Variants in SAMD15 observed in about 807,000 individuals in gnomAD.
SAMD15 encodes sterile alpha motif domain containing 15, also known as sterile alpha motif domain-containing protein 15.
SAMD15 carries 37 observed loss-of-function variants against 50.5 expected under a neutral mutation model. The observed-to-expected ratio is 0.73, with a 90% CI of 0.56 to 0.96. The LOEUF (loss-of-function observed/expected upper bound fraction) is 0.96, where lower values mean the gene tolerates loss of function less well. SAMD15 is among the 40% of genes least tolerant of loss of function. The pLI is 0.00. For missense variants in SAMD15, 789 were observed against 783.8 expected, an observed-to-expected ratio of 1.01 and a Z score of -0.08; for synonymous variants, 255 against 282.8, an observed-to-expected ratio of 0.90 and a Z score of 0.99.
Position 77,378,364 on chromosome 14 carries a change from A to G in SAMD15, c.946A>G (p.Lys316Glu). 1 of 1,613,306 alleles carries G rather than the reference A, an allele frequency of 6.2e-7. No individual in the cohort carries two copies. Among genetic ancestry groups the G allele is most frequent in the Non-Finnish European group, 8.5e-7 (1 of 1,179,850 alleles). ...GACTAAACCAGACTTTCCAGACCAC[A>G]AGCCAAGAAAGTCTACTGATGAGAA... ...ERTKPDFPDH[K>E]PRKSTDENVP... Residue 316 changes from lysine to glutamate, a missense_variant, in exon 1 of 3, where the codon AAG becomes GAG. Around this residue, in one of 2 missense-constraint regions of SAMD15, gnomAD observed 770 missense variants for 745.4 expected, o/e 1.03. Transcript: ENST00000216471.
rs1893880952 is a variant in SAMD15, at chr14:77,378,259, C to A, written c.841C>A (p.Pro281Thr). The change falls in exon 1 of 3, where the codon CCA becomes ACA. Residue 281 changes from proline (P) to threonine (T), a missense_variant. Physicochemically the swap from Pro to Thr is conservative, Grantham distance 38. This residue lies in a region of SAMD15 where 770 missense variants were observed against 745.4 expected (regional missense o/e 1.03). Coordinates refer to ENST00000216471, the MANE Select transcript of SAMD15 (RefSeq NM_001010860.4). ...TAGTGAGGAGGCAGGTCTAGAGCCTCCAGAAGAGACTCAACCAGAGGTTCC... is the reference window on the plus strand; with the variant it reads ...TAGTGAGGAGGCAGGTCTAGAGCCTACAGAAGAGACTCAACCAGAGGTTCC... Reference protein sequence around the residue: ...KSSEEAGLEPPEETQPEVPEE... With the variant: ...KSSEEAGLEPTEETQPEVPEE... 1 of 1,613,770 alleles carries A rather than the reference C, an allele frequency of 6.2e-7. No homozygotes were observed. Among genetic ancestry groups the A allele is most frequent in the Non-Finnish European group, 8.5e-7 (1 of 1,179,946 alleles).
intron 2 of SAMD15, among the ~76,000 whole-genome samples, chr14:77,382,290 A>G (rs1201396782): frequency 6.6e-6 from 1 of 151,496 alleles, no homozygotes; most frequent in African/African-American, 2.4e-5. Flanking sequence ...ACGCCCAGCT[A>G]ATTTTTGTAT....
rs755657029 is a variant in SAMD15 at position 77,377,523 on chromosome 14, C to G, written c.105C>G (p.Ala35=). Residue 35 remains alanine, a synonymous_variant, in exon 1 of 3, where the codon GCC becomes GCG. Coordinates refer to ENST00000216471, the MANE Select transcript of SAMD15 (RefSeq NM_001010860.4). ...LPGLHKLYEN[A]EPDTMAKADS... is the part of the protein sequence containing the mutation. ...GACTTCATAAATTGTATGAAAATGC[C>G]GAACCAGACACCATGGCAAAGGCAG... 42 of 1,613,992 alleles carry G rather than the reference C, an allele frequency of 2.6e-5. No individual in the cohort carries two copies. The highest frequency in any genetic ancestry group is 2.5e-4 in the African/African-American group (19 of 74,890).
At position 77,378,384 on chromosome 14, in the gene SAMD15, T is replaced by C. The variant is rs769434063; in HGVS notation, c.966T>C (p.Asp322=). ...ACCACAAGCCAAGAAAGTCTACTGA[T>C]GAGAACGTTCCTGAGCCACTAGAAG... ...FPDHKPRKST[D]ENVPEPLEEI... The change falls in exon 1 of 3, where the codon GAT becomes GAC. Residue 322 remains aspartate, a synonymous_variant. Transcript: ENST00000216471. The C allele has an allele frequency of 1.9e-6, 3 of 1,613,878 alleles. No homozygotes were observed. In the South Asian group the frequency reaches 3.3e-5, roughly 18 times the overall value.
chr14:77,386,071 G>A (rs1894002670), intron 2 of SAMD15, among the ~76,000 whole-genome samples: 1 of 151,942 alleles, frequency 6.6e-6, no homozygotes, highest in Admixed American at 6.6e-5. Context: ...GCCCAGGCTG[G>A]TCTTAAACTC....
Position 77,391,339 on chromosome 14 carries a change from T to TTA in SAMD15, c.*96_*97insAT. On this transcript the variant is annotated 3_prime_UTR_variant, in exon 3 of 3. Coordinates refer to ENST00000216471, the MANE Select transcript of SAMD15 (RefSeq NM_001010860.4). ...GGTTTTCTTTTTCTCCTTTTTTTTTTTTTTATTTTTTTGAGACAGAGTCTT... is the reference window on the plus strand; with the variant it reads ...GGTTTTCTTTTTCTCCTTTTTTTTTTTATTTTATTTTTTTGAGACAGAGTCTT... 1.2e-6 allele frequency: 1 copy of TTA among 819,416 alleles called. No homozygotes were observed. Among genetic ancestry groups the TTA allele is most frequent in the South Asian group, 1.8e-5 (1 of 55,944 alleles). The allele number at this position is 819,416 out of a possible 1,614,324, so 50.8% of individuals were successfully genotyped here. A position where few individuals can be genotyped will look rare whatever the true frequency, so the allele number is the denominator to read the frequency against.
At position 77,380,413 on chromosome 14, in the gene SAMD15, C is replaced by T. The variant is rs750702426; in HGVS notation, c.1720C>T (p.Arg574Ter). The T allele has an allele frequency of 5.6e-6, 9 of 1,613,496 alleles. No homozygotes were observed. Among genetic ancestry groups the T allele is most frequent in the South Asian group, 4.4e-5 (4 of 91,064 alleles). The change falls in exon 2 of 3, where the codon CGA (arginine) becomes TGA (stop). Residue 574 changes from arginine (R) to a stop codon, truncating the protein, a stop_gained. Coordinates refer to ENST00000216471, the MANE Select transcript of SAMD15 (RefSeq NM_001010860.4). LOFTEE classifies it high-confidence loss of function. ...ECFITNFISGRKLIHVNCSNL... is the reference protein window; with the variant it reads ...ECFITNFISG ...TTTTATCACAAACTTCATCAGTGGCCGAAAACTCATTCACGTCAACTGCTC... is the reference window on the plus strand; with the variant it reads ...TTTTATCACAAACTTCATCAGTGGCTGAAAACTCATTCACGTCAACTGCTC...
chr14:77,385,380 G>C lies in SAMD15; in HGVS notation c.1788+4899G>C, dbSNP rs138646024. 8.8e-3 allele frequency among the ~76,000 whole-genome samples: 1,329 copies of C among 151,780 alleles called. 18 individuals carry two copies. Among genetic ancestry groups the C allele is most frequent in the South Asian group, 0.037 (178 of 4,800 alleles). On this transcript the variant is annotated intron_variant, in intron 2 of 2. Transcript: ENST00000216471. ...GGCTCACTGCAACCTCTGCCTCCCA[G>C]GTTCAAGCAATTCTTCCGCCTCAGC...
At position 77,391,016 on chromosome 14, in the gene SAMD15, T is replaced by C; in HGVS notation, c.1797T>C (p.Ser599=). 1 of 1,603,146 alleles carries C rather than the reference T, an allele frequency of 6.2e-7. No individual in the cohort carries two copies. Among genetic ancestry groups the C allele is most frequent in the Non-Finnish European group, 8.5e-7 (1 of 1,174,676 alleles). The change falls in exon 3 of 3, where the codon TCT becomes TCC. Residue 599 remains serine (S), a synonymous_variant. Transcript: ENST00000216471. ...TTATCCTTGCGTTTCAGGCAATTTC[T>C]CGGCATACGCAGGAGCTCCTGGAAA... The part of the protein sequence containing the change: ...ITNFEDMKAI[S]RHTQELLEIE...
rs756508210 is a variant in SAMD15, at chr14:77,378,439, T to C, written c.1021T>C (p.Ser341Pro). The C allele has an allele frequency of 1.2e-6, 2 of 1,613,488 alleles. No homozygotes were observed. Among genetic ancestry groups the C allele is most frequent in the East Asian group, 4.5e-5 (2 of 44,862 alleles). The change falls in exon 1 of 3, where the codon TCA becomes CCA. Residue 341 changes from serine (S) to proline (P), a missense_variant. By Grantham distance (74) the Ser-to-Pro change is moderately conservative (BLOSUM62 -1). This residue lies in a region of SAMD15 where 770 missense variants were observed against 745.4 expected (regional missense o/e 1.03). Coordinates refer to ENST00000216471, the MANE Select transcript of SAMD15 (RefSeq NM_001010860.4). ...CAAATTAGAGTTTCCTGAGGAAGAA[T>C]CAAGAAAAACAAATGAGGAAACAAT... ...EIKLEFPEEE[S>P]RKTNEETILE...
chr14:77,387,360 C>T (rs1894016464), intron 2 of SAMD15, among the ~76,000 whole-genome samples: 1 of 152,078 alleles, frequency 6.6e-6, no homozygotes, highest in Non-Finnish European at 1.5e-5. Flanking sequence ...CACTTGAACC[C>T]AGGAGGTCAA....
chr14:77,391,589 A>G lies in SAMD15; in HGVS notation c.*345A>G. 4 of 184,454 alleles carry G rather than the reference A, an allele frequency of 2.2e-5. No homozygotes were observed. Among genetic ancestry groups the G allele is most frequent in the Non-Finnish European group, 4.5e-5 (4 of 89,750 alleles). The allele number at this position is 184,454 out of a possible 1,614,324, so 11.4% of individuals were successfully genotyped here. A position where few individuals can be genotyped will look rare whatever the true frequency, so the allele number is the denominator to read the frequency against. On this transcript the variant is annotated 3_prime_UTR_variant, in exon 3 of 3. Transcript: ENST00000216471. ...CGTGGCGTCCCAAAGTGCTGGGATT[A>G]CAAGCGTGACCTACCGCACCTGGCC...
In SAMD15 at chr14:77,378,961, G is replaced by A; in HGVS notation, c.1543G>A (p.Asp515Asn). 6.2e-7 allele frequency: 1 copy of A among 1,614,160 alleles called. No homozygotes were observed. Among genetic ancestry groups the A allele is most frequent in the Non-Finnish European group, 8.5e-7 (1 of 1,180,016 alleles). Reference protein sequence around the residue: ...SEFVHEKEVVDLSQELKERVS... With the variant: ...SEFVHEKEVVNLSQELKERVS... ...GTTCGTTCATGAAAAGGAAGTTGTA[G>A]ATTTGTCCCAAGAGTTGAAGGAACG... The change falls in exon 1 of 3, where the codon GAT becomes AAT. Residue 515 changes from aspartate to asparagine, a missense_variant. Asp to Asn is a conservative substitution (Grantham distance 23). This residue lies in a region of SAMD15 where 770 missense variants were observed against 745.4 expected (regional missense o/e 1.03). Coordinates refer to ENST00000216471, the MANE Select transcript of SAMD15 (RefSeq NM_001010860.4).
chr14:77,383,798 T>G (rs12433120), intron 2 of SAMD15, among the ~76,000 whole-genome samples: 40,196 of 151,798 alleles, frequency 0.26, 5,605 homozygotes, highest in African/African-American at 0.32. Context: ...AAACTTCTTC[T>G]CTACTAAAAA....
intron 1 of SAMD15, 43 bp from the exon 2 acceptor site, chr14:77,380,340 T>A: frequency 8.3e-7 from 1 of 1,198,224 alleles, no homozygotes; most frequent in Non-Finnish European, 1.2e-6. Context: ...CTTCCTTCTA[T>A]TTGCAGTACA....
chr14:77,377,833 G>A lies in SAMD15; in HGVS notation c.415G>A (p.Glu139Lys). The A allele has an allele frequency of 6.2e-7, 1 of 1,614,048 alleles. No individual in the cohort carries two copies. Among genetic ancestry groups the A allele is most frequent in the Non-Finnish European group, 8.5e-7 (1 of 1,179,914 alleles). ...THKESDLEPP[E>K]EAKPNVTEDV... is the part of the protein sequence containing the mutation. ...TAAAGAGTCAGACCTAGAGCCACCA[G>A]AGGAGGCTAAACCAAATGTTACAGA... The change falls in exon 1 of 3, where the codon GAG (glutamate) becomes AAG (lysine). Residue 139 changes from glutamate to lysine, a missense_variant. Physicochemically the swap from Glu to Lys is moderately conservative, Grantham distance 56 (BLOSUM62 1). Around this residue, in one of 2 missense-constraint regions of SAMD15, gnomAD observed 770 missense variants for 745.4 expected, o/e 1.03. Coordinates refer to ENST00000216471, the MANE Select transcript of SAMD15 (RefSeq NM_001010860.4).
At chr14:77,379,427 A>C (rs1228006421) in intron 1 of SAMD15, among the ~76,000 whole-genome samples, 3 of 151,780 alleles carry the variant, frequency 2.0e-5, no homozygotes, top group Non-Finnish European at 4.4e-5. Flanking sequence ...GCTCTTGCCA[A>C]GGTTGGAGTG....
Position 77,377,641 on chromosome 14 carries a change from G to A in SAMD15, c.223G>A (p.Val75Met), listed in dbSNP as rs376000690. The A allele has an allele frequency of 6.7e-5, 108 of 1,614,188 alleles. No individual in the cohort carries two copies. The highest frequency in any genetic ancestry group is 1.5e-4 in the Admixed American group (9 of 60,028). Residue 75 changes from valine to methionine, a missense_variant, in exon 1 of 3, where the codon GTG becomes ATG. Val to Met is a conservative substitution (Grantham distance 21, BLOSUM62 1). Around this residue, in one of 2 missense-constraint regions of SAMD15, gnomAD observed 770 missense variants for 745.4 expected, o/e 1.03. Coordinates refer to ENST00000216471, the MANE Select transcript of SAMD15 (RefSeq NM_001010860.4). ...GGGGGAGCCAGACAGTGCTAAGAAC[G>A]TGCAGCTGAAACCTGGCGGGACGTC... is the stretch of plus-strand genomic sequence containing the variant. ...KEGEPDSAKN[V>M]QLKPGGTSQE...
Position 77,377,872 on chromosome 14 carries a change from G to C in SAMD15, c.454G>C (p.Glu152Gln). ...KPNVTEDVFLESAMETDPDPV... is the reference protein window; with the variant it reads ...KPNVTEDVFLQSAMETDPDPV... ...AAATGTTACAGAGGATGTGTTCCTA[G>C]AGTCAGCTATGGAAACAGATCCAGA... Residue 152 changes from glutamate (E) to glutamine (Q), a missense_variant, in exon 1 of 3, where the codon GAG becomes CAG. Glu to Gln is a conservative substitution (Grantham distance 29). Coordinates refer to ENST00000216471, the MANE Select transcript of SAMD15 (RefSeq NM_001010860.4). 6.2e-7 allele frequency: 1 copy of C among 1,614,098 alleles called. No individual in the cohort carries two copies. The highest frequency in any genetic ancestry group is 1.1e-5 in the South Asian group (1 of 91,078).
Sources: gnomAD v4.1 joint callset for allele counts (sites outside exome capture counted in the v4.1 genomes callset) on GRCh38, gnomAD v4.1.1 for gene constraint, gnomAD v4.1.1 regional missense constraint, MANE v1.5 for transcripts, NCBI Gene and HGNC (gene_info 2026-07-23, HGNC 2026-07-21) for gene names.